The following SLC35F1 variants were observed in gnomAD, a reference collection of about 807,000 sequenced individuals.
The protein encoded by SLC35F1 is chromosome 6 open reading frame 169.
Under a neutral mutation model 48.7 loss-of-function variants are expected in SLC35F1, and 14 were observed. The observed-to-expected ratio is 0.29, with a 90% confidence interval of 0.19 to 0.45. The LOEUF (loss-of-function observed/expected upper bound fraction) is 0.45. SLC35F1 is among the 20% of genes least tolerant of loss of function. The pLI, the probability that SLC35F1 is intolerant of heterozygous loss-of-function variation, is 1.00. For missense variants in SLC35F1, 404 were observed against 500.0 expected, an observed-to-expected ratio of 0.81 and a Z score of 1.83; for synonymous variants, 190 against 202.2, an observed-to-expected ratio of 0.94 and a Z score of 0.51.
chr6:118,084,193 C>T (rs1772951733), intron 1 of SLC35F1, among the ~76,000 whole-genome samples: 2 of 152,134 alleles, frequency 1.3e-5, no homozygotes, highest in South Asian at 4.1e-4. Flanking sequence ...AGGTACTTTC[C>T]TTTCTTCTTC....
chr6:118,145,037 G>T (rs980409125), intron 1 of SLC35F1, among the ~76,000 whole-genome samples: 1 of 151,700 alleles, frequency 6.6e-6, no homozygotes, highest in Admixed American at 6.6e-5. Flanking sequence ...TTAGTATTTC[G>T]TATACAGATC....
Position 118,142,140 on chromosome 6 carries a change from T to A in SLC35F1, c.174-12305T>A, listed in dbSNP as rs562111451. On this transcript the variant is annotated intron_variant, in intron 1 of 7. Coordinates refer to ENST00000360388, the MANE Select transcript of SLC35F1 (RefSeq NM_001029858.4). ...TGACATTTTTGTTTTGCCTGATGTT[T>A]TACCACAATGTTTGGTCTTGGTAGC... 3.9e-5 allele frequency among the ~76,000 whole-genome samples: 6 copies of A among 152,326 alleles called. No homozygotes were observed. The South Asian group carries it at 1.2e-3, about 32-fold the overall frequency.
intron 7 of SLC35F1, among the ~76,000 whole-genome samples, chr6:118,292,411 C>G (rs1024399303): frequency 6.6e-6 from 1 of 152,156 alleles, no homozygotes; most frequent in Non-Finnish European, 1.5e-5. Context: ...CTAGAGGAAG[C>G]AGGACACTGA....
intron 1 of SLC35F1, among the ~76,000 whole-genome samples, chr6:117,986,780 G>A (rs1776853610): frequency 6.6e-6 from 1 of 152,168 alleles, no homozygotes; most frequent in Non-Finnish European, 1.5e-5. Context: ...AAATATATCT[G>A]AGGTGCCATT....
intron 3 of SLC35F1, among the ~76,000 whole-genome samples, chr6:118,240,907 C>T (rs933357543): frequency 6.6e-6 from 1 of 152,152 alleles, no homozygotes; most frequent in Admixed American, 6.5e-5. Context: ...GATCAGCCCC[C>T]ACAGGTCTGG....
chr6:118,295,691 G>T (rs1562353973), intron 7 of SLC35F1, among the ~76,000 whole-genome samples: 1 of 152,230 alleles, frequency 6.6e-6, no homozygotes, highest in East Asian at 1.9e-4. Context: ...TAGCCTGTTA[G>T]GTTTCTTGTA....
chr6:118,140,784 A>G (rs1773877437), intron 1 of SLC35F1, among the ~76,000 whole-genome samples: 1 of 152,138 alleles, frequency 6.6e-6, no homozygotes, highest in Admixed American at 6.5e-5. Flanking sequence ...GATCCTTTGT[A>G]GGCCTAGGCT....
At chr6:118,078,404 T>C (rs1243302562) in intron 1 of SLC35F1, among the ~76,000 whole-genome samples, 2 of 152,062 alleles carry the variant, frequency 1.3e-5, no homozygotes, top group African/African-American at 4.8e-5. Context: ...TTTAAAGGAA[T>C]ACACACATGG....
intron 1 of SLC35F1, among the ~76,000 whole-genome samples, chr6:117,997,282 T>C (rs1777008455): frequency 6.6e-6 from 1 of 152,042 alleles, no homozygotes; most frequent in Non-Finnish European, 1.5e-5. Context: ...TGTGAAAAGA[T>C]CAAATCTACG....
chr6:118,201,311 T>C (rs1269059058), intron 2 of SLC35F1, among the ~76,000 whole-genome samples: 1 of 152,198 alleles, frequency 6.6e-6, no homozygotes, highest in African/African-American at 2.4e-5. Flanking sequence ...TGTTATCTAG[T>C]TGTGTGTCCA....
At position 118,315,615 on chromosome 6, in the gene SLC35F1, AT is replaced by A. The variant is rs1185751941; in HGVS notation, c.*1368del. The stretch of plus-strand genomic sequence containing the variant: ...CCACGACGCCCAGCTAATTTTTTGT[AT>A]TTTTAGTAGAGATGGGGTTTCACCG... On this transcript the variant is annotated 3_prime_UTR_variant, in exon 8 of 8. Transcript: ENST00000360388. 1 of 151,550 alleles carries A rather than the reference AT, an allele frequency of 6.6e-6. No individual in the cohort carries two copies. The highest frequency in any genetic ancestry group is 1.5e-5 in the Non-Finnish European group (1 of 67,866). 9.4% of individuals were successfully genotyped at this position (151,550 alleles called of 1,614,324 possible).
chr6:117,924,390 C>T lies in SLC35F1; in HGVS notation c.173+16491C>T, dbSNP rs569830883. Among the ~76,000 whole-genome samples, 215 of 139,070 alleles carry T rather than the reference C, an allele frequency of 1.5e-3. 2 individuals carry two copies. Among genetic ancestry groups the T allele is most frequent in the African/African-American group, 5.6e-3 (206 of 36,488 alleles). The allele number at this position is 139,070 out of a possible 152,430, so 91.2% of individuals were successfully genotyped here. On this transcript the variant is annotated intron_variant, in intron 1 of 7. Transcript: ENST00000360388. ...ATAGGTACACATGCATATGTATATA[C>T]ACACATAGGTACACATGCATATGTA...
At chr6:118,237,437 G>T in intron 3 of SLC35F1, among the ~76,000 whole-genome samples, 1 of 152,000 alleles carries the variant, frequency 6.6e-6, no homozygotes, top group Non-Finnish European at 1.5e-5. Flanking sequence ...TACCCAGGCT[G>T]GAGTGCAGTG....
At chr6:118,046,464 G>A (rs1302699935) in intron 1 of SLC35F1, among the ~76,000 whole-genome samples, 1 of 152,192 alleles carries the variant, frequency 6.6e-6, no homozygotes, top group Non-Finnish European at 1.5e-5. Flanking sequence ...CTTGCAAAGA[G>A]AAGCATGGAA....
chr6:118,143,627 AT>A (rs1255018379), intron 1 of SLC35F1, among the ~76,000 whole-genome samples: 7 of 152,230 alleles, frequency 4.6e-5, no homozygotes, highest in Non-Finnish European at 8.8e-5. Context: ...TGTTAACAAT[AT>A]TTTTTCTAGT....
At chr6:117,918,906 T>C (rs1439203530) in intron 1 of SLC35F1, among the ~76,000 whole-genome samples, 1 of 152,082 alleles carries the variant, frequency 6.6e-6, no homozygotes, top group Non-Finnish European at 1.5e-5. Context: ...AAATAATTTT[T>C]TTTTTAAGAG....
chr6:118,254,216 A>G (rs1212838234), intron 3 of SLC35F1, among the ~76,000 whole-genome samples: 1 of 152,148 alleles, frequency 6.6e-6, no homozygotes, highest in Non-Finnish European at 1.5e-5. Flanking sequence ...ATCTATAACA[A>G]TCCTGGTCAC....
At chr6:118,030,266 T>C (rs1772026363) in intron 1 of SLC35F1, among the ~76,000 whole-genome samples, 1 of 152,202 alleles carries the variant, frequency 6.6e-6, no homozygotes, top group Non-Finnish European at 1.5e-5. Flanking sequence ...AGTTTGTTTC[T>C]GGCAGCACTT....
In SLC35F1 at chr6:117,999,129, A is replaced by G. The variant is rs1777046492; in HGVS notation, c.173+91230A>G. ...CGCTTTGCCAAGAAGCACAACAAAA[A>G]GGGCCTAAAGAAGATGCAGGCCAAC... On this transcript the variant is annotated intron_variant, in intron 1 of 7. Coordinates refer to ENST00000360388, the MANE Select transcript of SLC35F1 (RefSeq NM_001029858.4). 1.9e-6 allele frequency: 3 copies of G among 1,587,694 alleles called. No homozygotes were observed. The South Asian group carries it at 3.3e-5, about 17-fold the overall frequency.
Sources: allele counts gnomAD v4.1 joint callset (sites outside exome capture counted in the v4.1 genomes callset), GRCh38; gene constraint gnomAD v4.1.1; transcripts MANE v1.5; gene names NCBI Gene and HGNC (gene_info 2026-07-23, HGNC 2026-07-21).